ALDH4A1: variants seen among roughly 807,000 people sequenced by gnomAD.
ALDH4A1 encodes delta-1-pyrroline-5-carboxylate dehydrogenase, mitochondrial.
Under a neutral mutation model 70.5 loss-of-function variants are expected in ALDH4A1, and 46 were observed. The ratio of observed to expected loss-of-function variants is 0.65; its 90% CI spans 0.51 to 0.83. The LOEUF (loss-of-function observed/expected upper bound fraction) is 0.83, where lower values mean the gene tolerates loss of function less well. Among genes scored for constraint, ALDH4A1 ranks in the 40% least tolerant of loss-of-function variants. The probability of loss-of-function intolerance (pLI) is 0.00; values close to 1 mark genes in which losing one functional copy is unlikely to be tolerated. For synonymous variants in ALDH4A1, 323 were observed against 324.3 expected (o/e 1.00, Z 0.04); for missense variants, 749 against 766.5 (o/e 0.98, Z 0.27).
intron 13 of ALDH4A1, 115 bp downstream of exon 13, chr1:18,875,267 G>A: frequency 6.5e-7 from 1 of 1,540,112 alleles, no homozygotes; most frequent in Non-Finnish European, 8.9e-7. Flanking sequence ...GAGGGGAGGG[G>A]ACAGAGAGAA....
At chr1:18,897,317 C>A (rs1411612797) in intron 1 of ALDH4A1, among the ~76,000 whole-genome samples, 2 of 151,850 alleles carry the variant, frequency 1.3e-5, no homozygotes, top group Non-Finnish European at 2.9e-5. Context: ...CGGAAGAGGG[C>A]GGATCACTTG....
At chr1:18,901,684 T>A (rs1935803029) in intron 1 of ALDH4A1, among the ~76,000 whole-genome samples, 1 of 152,178 alleles carries the variant, frequency 6.6e-6, no homozygotes, top group African/African-American at 2.4e-5. Context: ...AATAATGACC[T>A]GCCTCACAGG....
chr1:18,885,427 T>TCCCCACCCCCCCCCCC, intron 5 of ALDH4A1, 46 bp downstream of exon 5: 1 of 650,922 alleles, frequency 1.5e-6, no homozygotes, highest in Non-Finnish European at 2.7e-6. Flanking sequence ...CACACCTGAC[T>TCCCCACCCCCCCCCCC]CCCACCCCAC....
intron 1 of ALDH4A1, 129 bp from the exon 2 acceptor site, chr1:18,890,234 A>C: frequency 1.3e-6 from 1 of 764,768 alleles, no homozygotes; most frequent in Non-Finnish European, 2.2e-6. Context: ...TGCAACTAGA[A>C]AGTGGGGGGT....
intron 1 of ALDH4A1, among the ~76,000 whole-genome samples, chr1:18,901,866 T>C (rs955925585): frequency 4.7e-5 from 7 of 147,942 alleles, no homozygotes; most frequent in Non-Finnish European, 9.1e-5. Flanking sequence ...ATAAGCACTC[T>C]ATAAATATGA....
intron 9 of ALDH4A1, 125 bp downstream of exon 9, chr1:18,879,175 T>C (rs970092161): frequency 1.6e-5 from 15 of 924,678 alleles, no homozygotes; most frequent in Non-Finnish European, 2.4e-5. Context: ...TGGGCAGTGC[T>C]GGTGCCTGAA....
At chr1:18,879,960 A>G (rs1934899530) in intron 8 of ALDH4A1, among the ~76,000 whole-genome samples, 2 of 152,100 alleles carry the variant, frequency 1.3e-5, no homozygotes, top group South Asian at 4.1e-4. Context: ...TAAAAATGCT[A>G]ATCACCCGGG....
Position 18,898,251 on chromosome 1 carries a change from G to C in ALDH4A1, c.62+4211C>G, listed in dbSNP as rs1302491926. 6.6e-6 allele frequency among the ~76,000 whole-genome samples: 1 copy of C among 152,206 alleles called. No homozygotes were observed. The highest frequency in any genetic ancestry group is 1.5e-5 in the Non-Finnish European group (1 of 68,032). On this transcript the variant is annotated intron_variant, in intron 1 of 14. Transcript: ENST00000375341. The surrounding 1 kb of genome is among the most constrained non-coding windows in gnomAD (Gnocchi z 4.3). ...GGTGGGAGGATGACTGAGCCCAGGA[G>C]GTTGAGGCTGTAGTGAGCTGAGATC...
chr1:18,877,084 T>G, intron 11 of ALDH4A1, 124 bp downstream of exon 11: 1 of 1,242,450 alleles, frequency 8.0e-7, no homozygotes, highest in South Asian at 1.3e-5. Flanking sequence ...GCTGCTGAGC[T>G]GCCTTGATCA....
chr1:18,874,423 C>A (rs750955077), intron 14 of ALDH4A1, 40 bp downstream of exon 14: 2 of 1,575,206 alleles, frequency 1.3e-6, no homozygotes, highest in Admixed American at 3.3e-5. Context: ...GGTCTCCCAC[C>A]AGGAACTCAG....
Position 18,883,275 on chromosome 1 carries a change from G to T in ALDH4A1, c.603+4C>A. The T allele has an allele frequency of 6.2e-7, 1 of 1,613,210 alleles. No individual in the cohort carries two copies. The highest frequency in any genetic ancestry group is 8.5e-7 in the Non-Finnish European group (1 of 1,180,020). The stretch of plus-strand genomic sequence containing the variant: ...CCTGCTCGCCCACTGCCTCCTGCAG[G>T]TACCTCCAGACCCCGGTACACCGTG... On this transcript the variant is annotated splice_donor_region_variant and intron_variant, in intron 6 of 14. Coordinates refer to ENST00000375341, the MANE Select transcript of ALDH4A1 (RefSeq NM_003748.4).
intron 3 of ALDH4A1, among the ~76,000 whole-genome samples, chr1:18,886,791 A>G (rs1935221447): frequency 6.6e-6 from 1 of 152,182 alleles, no homozygotes; most frequent in South Asian, 2.1e-4. Flanking sequence ...CCAGGAAAGC[A>G]CGGACCTTTG....
intron 1 of ALDH4A1, among the ~76,000 whole-genome samples, chr1:18,891,602 C>G (rs1032732690): frequency 6.6e-6 from 1 of 152,078 alleles, no homozygotes; most frequent in East Asian, 1.9e-4. Context: ...AAGGAAGCCA[C>G]GGTTAGCTCT....
chr1:18,874,128 C>G (rs939346168), intron 14 of ALDH4A1, among the ~76,000 whole-genome samples: 2 of 152,342 alleles, frequency 1.3e-5, no homozygotes, highest in East Asian at 3.9e-4. Flanking sequence ...CAAGCCATTG[C>G]TCCTCCTGAG....
At chr1:18,891,001 AG>A (rs1233779200) in intron 1 of ALDH4A1, 2 of 543,420 alleles carry the variant, frequency 3.7e-6, no homozygotes, top group Non-Finnish European at 4.7e-6. Flanking sequence ...CCTGGGGGTG[AG>A]GTGCCTGATT....
Position 18,871,735 on chromosome 1 carries a change from C to T in ALDH4A1, c.*1110G>A, listed in dbSNP as rs1248379851. The T allele has an allele frequency of 6.6e-6, 1 of 152,244 alleles. No homozygotes were observed. Among genetic ancestry groups the T allele is most frequent in the African/African-American group, 2.4e-5 (1 of 41,454 alleles). The allele number at this position is 152,244 out of a possible 1,614,324, so 9.4% of individuals were successfully genotyped here. Reference sequence around the variant, plus strand: ...ACTTTCACAGTCCCCTAAGAACCATCCTTGAAAGTCATGCTTTACAGATCT... The same window carrying T: ...ACTTTCACAGTCCCCTAAGAACCATTCTTGAAAGTCATGCTTTACAGATCT... On this transcript the variant is annotated 3_prime_UTR_variant, in exon 15 of 15. Transcript: ENST00000375341.
At position 18,898,344 on chromosome 1, in the gene ALDH4A1, C is replaced by A. The variant is rs537323056; in HGVS notation, c.62+4118G>T. 1.5e-4 allele frequency among the ~76,000 whole-genome samples: 23 copies of A among 150,666 alleles called. No homozygotes were observed. The highest frequency in any genetic ancestry group is 9.8e-4 in the Admixed American group (15 of 15,246). ...CTCCAAAACAAACAAACAAACAAAC[C>A]AACAATAATAACAGAAGAGGTTTGG... is the stretch of plus-strand genomic sequence containing the variant. On this transcript the variant is annotated intron_variant, in intron 1 of 14. Coordinates refer to ENST00000375341, the MANE Select transcript of ALDH4A1 (RefSeq NM_003748.4). This position sits in a 1 kb window ranked among gnomAD's most constrained non-coding sequence, Gnocchi z 4.3.
rs377355206 is a variant in ALDH4A1, at chr1:18,889,358, A to T, written c.249+4T>A. ...GCTGAGCTCTGCCCACCCGCTGGAC[A>T]TACCGACACTTGGTACTGCACGTCC... is the stretch of plus-strand genomic sequence containing the variant. On this transcript the variant is annotated splice_donor_region_variant and intron_variant, in intron 3 of 14. Transcript: ENST00000375341. 5 of 1,551,018 alleles carry T rather than the reference A, an allele frequency of 3.2e-6. No homozygotes were observed. Among genetic ancestry groups the T allele is most frequent in the Non-Finnish European group, 4.4e-6 (5 of 1,146,230 alleles).
chr1:18,885,431 A>AACCC, intron 5 of ALDH4A1, 42 bp downstream of exon 5: 14 of 478,972 alleles, frequency 2.9e-5, no homozygotes, highest in East Asian at 8.6e-5. Context: ...CCTGACTCCC[A>AACCC]CCCCACCCCG....
Sources: gnomAD v4.1 joint callset for allele counts (sites outside exome capture counted in the v4.1 genomes callset) on GRCh38, gnomAD v4.1.1 for gene constraint, Gnocchi (gnomAD v3.1) non-coding constraint, MANE v1.5 for transcripts, NCBI Gene and HGNC (gene_info 2026-07-23, HGNC 2026-07-21) for gene names.